The following COL10A1 variants were observed in gnomAD, a reference collection of about 807,000 sequenced individuals.
The protein encoded by COL10A1 is collagen alpha-1(X) chain.
A neutral mutation model predicts 18.2 loss-of-function variants in COL10A1; 10 were observed. The observed-to-expected ratio is 0.55, with a 90% CI of 0.34 to 0.93. The LOEUF (loss-of-function observed/expected upper bound fraction) is 0.93, where lower values mean the gene tolerates loss of function less well. Among genes scored for constraint, COL10A1 ranks in the 40% least tolerant of loss-of-function variants. The pLI, the probability that COL10A1 is intolerant of heterozygous loss-of-function variation, is 0.02. For synonymous variants in COL10A1, 330 were observed against 316.6 expected (o/e 1.04, Z -0.45); for missense variants, 897 against 853.5 (o/e 1.05, Z -0.64).
At chr6:116,178,088 T>TGTGTGTGTGTGTGTGTGTGC in the COL10A1 span, among the ~76,000 whole-genome samples, 3 of 99,624 alleles carry the variant, frequency 3.0e-5, no homozygotes, top group African/African-American at 1.4e-4. Context: ...TGTGTGTGTG[T>TGTGTGTGTGTGTGTGTGTGC]GCGCGCGCGC....
the COL10A1 span, among the ~76,000 whole-genome samples, chr6:116,173,711 T>C: frequency 2.0e-5 from 3 of 152,210 alleles, no homozygotes; most frequent in East Asian, 5.8e-4. Context: ...CACTTTGTTT[T>C]GGAATAATCC....
chr6:116,214,358 T>C, the COL10A1 span, among the ~76,000 whole-genome samples: 1 of 152,196 alleles, frequency 6.6e-6, no homozygotes, highest in Non-Finnish European at 1.5e-5. Flanking sequence ...TTAAAATGTT[T>C]TTAAACACAG....
intron 2 of COL10A1, among the ~76,000 whole-genome samples, chr6:116,123,018 G>C (rs1779181625): frequency 1.3e-5 from 2 of 152,148 alleles, no homozygotes; most frequent in Non-Finnish European, 2.9e-5. Context: ...AGTGGATATT[G>C]ATATATTGCA....
the COL10A1 span, among the ~76,000 whole-genome samples, chr6:116,215,552 C>A: frequency 6.6e-6 from 1 of 152,134 alleles, no homozygotes; most frequent in East Asian, 1.9e-4. Flanking sequence ...CATCTGCTGA[C>A]CCTCCCAGCT....
the COL10A1 span, among the ~76,000 whole-genome samples, chr6:116,175,390 T>C: frequency 6.6e-6 from 1 of 152,188 alleles, no homozygotes; most frequent in African/African-American, 2.4e-5. Context: ...TTGACTATGA[T>C]GTGGTAGATT....
the COL10A1 span, among the ~76,000 whole-genome samples, chr6:116,216,527 T>C: frequency 2.0e-5 from 3 of 152,004 alleles, no homozygotes; most frequent in Admixed American, 6.6e-5. Flanking sequence ...TTGTATATTA[T>C]GTTTTTCTCT....
the COL10A1 span, among the ~76,000 whole-genome samples, chr6:116,197,347 C>T: frequency 6.6e-6 from 1 of 151,960 alleles, no homozygotes; most frequent in African/African-American, 2.4e-5. Context: ...ACAAAATCCA[C>T]AAAAAGTCCT....
At chr6:116,138,889 A>T (rs781129968) in intron 1 of COL10A1, among the ~76,000 whole-genome samples, 106 of 152,218 alleles carry the variant, frequency 7.0e-4, no homozygotes, top group Non-Finnish European at 8.5e-4. Flanking sequence ...TTTTGGTTTG[A>T]TTTCCCCATA....
intron 1 of COL10A1, among the ~76,000 whole-genome samples, chr6:116,145,836 TG>T (rs773919461): frequency 2.0e-5 from 3 of 152,240 alleles, no homozygotes; most frequent in Non-Finnish European, 2.9e-5. Context: ...TGTGAACTAA[TG>T]AAACCAAATT....
At chr6:116,153,984 A>G (rs1342991627) in intron 1 of COL10A1, among the ~76,000 whole-genome samples, 1 of 151,172 alleles carries the variant, frequency 6.6e-6, no homozygotes, top group African/African-American at 2.4e-5. Flanking sequence ...TGCATGGTTC[A>G]TCTTTGAAAA....
At chr6:116,184,627 T>G in the COL10A1 span, among the ~76,000 whole-genome samples, 1 of 152,080 alleles carries the variant, frequency 6.6e-6, no homozygotes, top group Non-Finnish European at 1.5e-5. Context: ...GTTGTATATT[T>G]CCAGGAATTT....
chr6:116,140,181 G>A (rs1270723087), intron 1 of COL10A1, among the ~76,000 whole-genome samples: 1 of 152,072 alleles, frequency 6.6e-6, no homozygotes, highest in Non-Finnish European at 1.5e-5. Context: ...CATGCTCTCA[G>A]GTATTTTCAA....
At chr6:116,140,014 T>C (rs1469588674) in intron 1 of COL10A1, among the ~76,000 whole-genome samples, 1 of 152,200 alleles carries the variant, frequency 6.6e-6, no homozygotes, top group Admixed American at 6.5e-5. Context: ...ACTTACGTGA[T>C]AGATATTACC....
the COL10A1 span, among the ~76,000 whole-genome samples, chr6:116,185,558 C>A: frequency 2.6e-5 from 4 of 151,948 alleles, no homozygotes; most frequent in Non-Finnish European, 4.4e-5. Flanking sequence ...CTGTTGGGTG[C>A]GTATATAGTT....
the COL10A1 span, among the ~76,000 whole-genome samples, chr6:116,194,061 C>A: frequency 0.63 from 94,880 of 151,730 alleles, 31,496 homozygotes; most frequent in African/African-American, 0.86. Context: ...ACAACAACAA[C>A]AAAAGAATAT....
the COL10A1 span, among the ~76,000 whole-genome samples, chr6:116,178,102 CGTGCGTGCGTGT>C: frequency 4.2e-5 from 4 of 94,538 alleles, no homozygotes; most frequent in African/African-American, 1.9e-4. Context: ...CGCGCGCGCG[CGTGCGTGCGTGT>C]GTGTGTGTGT....
chr6:116,167,093 G>A, the COL10A1 span, among the ~76,000 whole-genome samples: 11 of 151,626 alleles, frequency 7.3e-5, no homozygotes, highest in Admixed American at 1.3e-4. Context: ...TGTGATATCC[G>A]TAGAATTATC....
intron 1 of COL10A1, among the ~76,000 whole-genome samples, chr6:116,140,494 G>A (rs568191159): frequency 7.9e-5 from 12 of 152,050 alleles, no homozygotes; most frequent in African/African-American, 2.9e-4. Context: ...TAAAGGTGAG[G>A]GATATTAATT....
the COL10A1 span, among the ~76,000 whole-genome samples, chr6:116,211,102 C>A: frequency 0.32 from 49,260 of 151,822 alleles, 9,726 homozygotes; most frequent in African/African-American, 0.55. Context: ...TGGGGGAAAC[C>A]CACCGCCACT....
Sources: allele counts gnomAD v4.1 joint callset (sites outside exome capture counted in the v4.1 genomes callset), GRCh38; gene constraint gnomAD v4.1.1; transcripts MANE v1.5; gene names NCBI Gene and HGNC (gene_info 2026-07-23, HGNC 2026-07-21).